Variants in SPG11 observed in about 807,000 individuals in gnomAD.
SPG11 encodes SPG11 vesicle trafficking associated, spatacsin.
SPG11 carries 222 observed loss-of-function variants against 274.0 expected under a neutral mutation model. That is an observed-to-expected ratio of 0.81 (90% confidence interval 0.73 to 0.91). The LOEUF (loss-of-function observed/expected upper bound fraction) is 0.91, where lower values mean the gene tolerates loss of function less well. SPG11 is among the 40% of genes least tolerant of loss of function. The pLI is 0.00. For missense variants in SPG11, 3,114 were observed against 2,872.7 expected, an observed-to-expected ratio of 1.08 and a Z score of -1.92; for synonymous variants, 1,144 against 1,039.7, an observed-to-expected ratio of 1.10 and a Z score of -1.93.
In SPG11 at chr15:44,620,379, G is replaced by A; in HGVS notation, c.2645C>T (p.Ala882Val). The change falls in exon 15 of 40, where the codon GCC becomes GTC. Residue 882 changes from alanine to valine, a missense_variant. Coordinates refer to ENST00000261866, the MANE Select transcript of SPG11 (RefSeq NM_025137.4). Reference sequence around the variant, plus strand: ...GCGAGCTGTGAGGTATCTCCAGAGGGCTTCAGGGGAATATGATTTGTATTC... The same window carrying A: ...GCGAGCTGTGAGGTATCTCCAGAGGACTTCAGGGGAATATGATTTGTATTC... Reference protein sequence around the residue: ...PEEYKSYSPEALWRYLTARHD... With the variant: ...PEEYKSYSPEVLWRYLTARHD... 6.2e-7 allele frequency: 1 copy of A among 1,613,456 alleles called. No homozygotes were observed. Among genetic ancestry groups the A allele is most frequent in the Non-Finnish European group, 8.5e-7 (1 of 1,179,648 alleles).
intron 28 of SPG11, among the ~76,000 whole-genome samples, chr15:44,586,576 G>A (rs1381795477): frequency 2.6e-4 from 39 of 152,152 alleles, no homozygotes; most frequent in African/African-American, 8.4e-4. Flanking sequence ...CCTGGGAGGC[G>A]GAGGTTGAAG....
chr15:44,652,057 T>C, intron 5 of SPG11, 72 bp downstream of exon 5: 2 of 1,595,726 alleles, frequency 1.3e-6, no homozygotes, highest in Non-Finnish European at 1.7e-6. Flanking sequence ...TAAAGACCTT[T>C]AATGAAAGGG....
At chr15:44,576,133 A>T (rs12911238) in intron 30 of SPG11, among the ~76,000 whole-genome samples, 4,408 of 135,824 alleles carry the variant, frequency 0.032, 224 homozygotes, top group East Asian at 0.16. Context: ...CAAGAATGAA[A>T]CTCCATCTCA....
intron 7 of SPG11, among the ~76,000 whole-genome samples, chr15:44,634,238 G>A (rs1431835751): frequency 6.6e-6 from 1 of 152,060 alleles, no homozygotes; most frequent in African/African-American, 2.4e-5. Flanking sequence ...AAATATTAGG[G>A]ATTACCCTTA....
At position 44,620,407 on chromosome 15, in the gene SPG11, C is replaced by T. The variant is rs1394982559; in HGVS notation, c.2621-4G>A. ...TCAGGGGAATATGATTTGTATTCTA[C>T]ATGAAAAAAAACACATTTTAAAATA... On this transcript the variant is annotated splice_region_variant and splice_polypyrimidine_tract_variant and intron_variant, in intron 14 of 39. Transcript: ENST00000261866. The T allele has an allele frequency of 3.2e-5, 51 of 1,597,040 alleles. No individual in the cohort carries two copies. The highest frequency in any genetic ancestry group is 4.2e-5 in the Non-Finnish European group (49 of 1,169,056).
intron 8 of SPG11, 47 bp downstream of exon 8, chr15:44,633,458 G>T: frequency 7.3e-7 from 1 of 1,376,278 alleles, no homozygotes; most frequent in African/African-American, 1.5e-5. Flanking sequence ...AAGTTATTAA[G>T]AAGATCAAAT....
Position 44,663,575 on chromosome 15 carries a change from C to T in SPG11, c.73G>A (p.Val25Ile). The T allele has an allele frequency of 6.3e-7, 1 of 1,596,676 alleles. No individual in the cohort carries two copies. The highest frequency in any genetic ancestry group is 8.5e-7 in the Non-Finnish European group (1 of 1,173,846). ...GSWGTAAMGR[V>I]LPMLLVPVPA... Reference sequence around the variant, plus strand: ...ACTGGCACCAACAGCATCGGTAGAACCCGCCCCATGGCCGCGGTGCCCCAG... The same window carrying T: ...ACTGGCACCAACAGCATCGGTAGAATCCGCCCCATGGCCGCGGTGCCCCAG... Residue 25 changes from valine to isoleucine, a missense_variant, in exon 1 of 40, where the codon GTT becomes ATT. Coordinates refer to ENST00000261866, the MANE Select transcript of SPG11 (RefSeq NM_025137.4).
chr15:44,582,544 T>C (rs896786921), intron 30 of SPG11, among the ~76,000 whole-genome samples: 15 of 152,024 alleles, frequency 9.9e-5, no homozygotes, highest in Non-Finnish European at 2.1e-4. Context: ...GGAGACTCCA[T>C]CTCAAAAACA....
chr15:44,659,390 G>A, intron 2 of SPG11, 87 bp from the exon 3 acceptor site: 33 of 1,228,700 alleles, frequency 2.7e-5, no homozygotes, highest in Middle Eastern at 5.4e-4. Flanking sequence ...ATACAAAAAA[G>A]TAAAACAAAA....
chr15:44,589,470 A>G, intron 27 of SPG11, 56 bp from the exon 28 acceptor site: 1 of 1,606,370 alleles, frequency 6.2e-7, no homozygotes, highest in Non-Finnish European at 8.5e-7. Context: ...TAGCAAATCA[A>G]AACCTCCAAA....
rs1555459952 is a variant in SPG11 at position 44,651,475 on chromosome 15, TACAAGACAGTCTCACCTGTCAAA to T, written c.1449_1456+15del. On this transcript the variant is annotated splice_donor_variant and splice_donor_5th_base_variant and coding_sequence_variant and intron_variant, in exon 6 of 40. Transcript: ENST00000261866. LOFTEE classifies it high-confidence loss of function. Reference sequence around the variant, plus strand: ...ATCTCAGCAATGGATTTCAATCTAATACAAGACAGTCTCACCTGTCAAAACAAAGCACAGCTGCTGGTCTCCAC... The same window carrying T: ...ATCTCAGCAATGGATTTCAATCTAATACAAAGCACAGCTGCTGGTCTCCAC... 2 of 1,607,724 alleles carry T rather than the reference TACAAGACAGTCTCACCTGTCAAA, an allele frequency of 1.2e-6. No homozygotes were observed. The highest frequency in any genetic ancestry group is 1.7e-6 in the Non-Finnish European group (2 of 1,174,540).
chr15:44,634,441 A>ATT lies in SPG11; in HGVS notation c.1603-806_1603-805dup, dbSNP rs1334276767. Reference sequence around the variant, plus strand: ...AGGCATGCACCACCACACCCAGCTGATTTTTTTTTTTTTTTTGTATTTTTA... The same window carrying ATT: ...AGGCATGCACCACCACACCCAGCTGATTTTTTTTTTTTTTTTTTGTATTTTTA... On this transcript the variant is annotated intron_variant, in intron 7 of 39. Transcript: ENST00000261866. Among the ~76,000 whole-genome samples, 13 of 133,118 alleles carry ATT rather than the reference A, an allele frequency of 9.8e-5. 1 individual carries two copies. The South Asian group carries it at 2.6e-3, about 27-fold the overall frequency. The allele number at this position is 133,118 out of a possible 152,430, so 87.3% of individuals were successfully genotyped here.
At chr15:44,614,509 C>G (rs1397031565) in intron 16 of SPG11, among the ~76,000 whole-genome samples, 1 of 152,162 alleles carries the variant, frequency 6.6e-6, no homozygotes, top group African/African-American at 2.4e-5. Flanking sequence ...GAGATGTGAG[C>G]CACCGTGCCC....
At chr15:44,632,888 C>A (rs543122856) in intron 8 of SPG11, among the ~76,000 whole-genome samples, 58 of 152,046 alleles carry the variant, frequency 3.8e-4, no homozygotes, top group Non-Finnish European at 7.4e-4. Context: ...CAAGGGCAGG[C>A]AATTTTCCAA....
intron 20 of SPG11, among the ~76,000 whole-genome samples, chr15:44,603,199 C>G (rs1306621854): frequency 2.0e-5 from 3 of 152,012 alleles, no homozygotes; most frequent in Non-Finnish European, 4.4e-5. Flanking sequence ...TAGGCACACA[C>G]AACTATGCCT....
At chr15:44,622,835 T>G in intron 11 of SPG11, 36 bp from the exon 12 acceptor site, 1 of 1,466,988 alleles carries the variant, frequency 6.8e-7, no homozygotes, top group Non-Finnish European at 9.6e-7. Flanking sequence ...AAAGTTACAT[T>G]TTGTAATGGA....
At chr15:44,572,865 A>G in intron 32 of SPG11, 45 bp from the exon 33 acceptor site, 1 of 1,607,692 alleles carries the variant, frequency 6.2e-7, no homozygotes, top group Middle Eastern at 1.7e-4. Flanking sequence ...TATCTAAGAG[A>G]GGCCCACTCT....
intron 28 of SPG11, among the ~76,000 whole-genome samples, chr15:44,587,367 T>C (rs2082788977): frequency 6.6e-6 from 1 of 152,144 alleles, no homozygotes. Context: ...TAAGACACCC[T>C]GCACAATCAT....
chr15:44,609,138 CT>C (rs1014200465), intron 18 of SPG11, among the ~76,000 whole-genome samples: 3 of 148,876 alleles, frequency 2.0e-5, no homozygotes, highest in South Asian at 2.1e-4. Flanking sequence ...AAACAACATT[CT>C]TTTTTTTTTG....
Sources: gnomAD v4.1 joint callset for allele counts (sites outside exome capture counted in the v4.1 genomes callset) on GRCh38, gnomAD v4.1.1 for gene constraint, MANE v1.5 for transcripts, NCBI Gene and HGNC (gene_info 2026-07-23, HGNC 2026-07-21) for gene names.